Variants in OAS2 observed in about 807,000 individuals in gnomAD.
The protein encoded by OAS2 is 2'-5'-oligoadenylate synthase 2.
A neutral mutation model predicts 71.3 loss-of-function variants in OAS2; 67 were observed. The ratio of observed to expected loss-of-function variants is 0.94; its 90% CI spans 0.77 to 1.15. OAS2 has a LOEUF of 1.15. Among genes scored for constraint, OAS2 ranks in the 50% most tolerant of loss-of-function variants. The pLI, the probability that OAS2 is intolerant of heterozygous loss-of-function variation, is 0.00. For missense variants in OAS2, 789 were observed against 822.5 expected, an observed-to-expected ratio of 0.96 and a Z score of 0.50; for synonymous variants, 327 against 321.8, an observed-to-expected ratio of 1.02 and a Z score of -0.17.
At chr12:112,986,146 T>C (rs1317910159) in intron 1 of OAS2, among the ~76,000 whole-genome samples, 1 of 152,144 alleles carries the variant, frequency 6.6e-6, no homozygotes, top group East Asian at 1.9e-4. Context: ...GACAGTGTAG[T>C]TGTTAATGGA....
Position 112,987,088 on chromosome 12 carries a change from C to G in OAS2, c.228C>G (p.Thr76=), listed in dbSNP as rs2072138. 0.28 allele frequency: 443,996 copies of G among 1,613,842 alleles called. 62,659 individuals are homozygous for G. Among genetic ancestry groups the G allele is most frequent in the Admixed American group, 0.33 (19,615 of 60,006 alleles). ...TCTTAAGAGGCAACTCCGATGGTAC[C>G]CTTGTCCTCTTCTTCAGTGACTTAA... ...KTVLRGNSDG[T]LVLFFSDLKQ... The change falls in exon 2 of 10, where the codon ACC becomes ACG. Residue 76 remains threonine (T), a synonymous_variant. Transcript: ENST00000392583.
rs1404126148 is a variant in OAS2, at chr12:113,009,825, C to A, written c.*570C>A. The stretch of plus-strand genomic sequence containing the variant: ...CTGTGGACGTGGGTTGCACTGGCCA[C>A]CCAAGGATGTCTGCCACACCTCTCC... On this transcript the variant is annotated 3_prime_UTR_variant, in exon 10 of 10. Coordinates refer to ENST00000392583, the MANE Select transcript of OAS2 (RefSeq NM_002535.3). 2.0e-6 allele frequency: 2 copies of A among 986,644 alleles called. No homozygotes were observed. The highest frequency in any genetic ancestry group is 2.4e-6 in the Non-Finnish European group (2 of 830,908). 61.1% of individuals were successfully genotyped at this position (986,644 alleles called of 1,614,324 possible).
In OAS2 at chr12:113,003,086, A is replaced by C; in HGVS notation, c.1163A>C (p.Lys388Thr). The C allele has an allele frequency of 1.2e-6, 2 of 1,614,150 alleles. No individual in the cohort carries two copies. Among genetic ancestry groups the C allele is most frequent in the South Asian group, 1.1e-5 (1 of 91,076 alleles). Residue 388 changes from lysine to threonine, a missense_variant, in exon 6 of 10, where the codon AAG becomes ACG. By Grantham distance (78) the Lys-to-Thr change is moderately conservative (BLOSUM62 -1). Transcript: ENST00000392583. ...AACTGCTTCCGACAATCAACAGCCA[A>C]GATCCAGATTGTCCGGGTGAGCACT... ...KENCFRQSTA[K>T]IQIVRGGSTA...
chr12:112,989,998 A>G (rs1359296236), intron 2 of OAS2, among the ~76,000 whole-genome samples: 1 of 152,144 alleles, frequency 6.6e-6, no homozygotes, highest in African/African-American at 2.4e-5. Flanking sequence ...ACCACCAGGG[A>G]TGGGGCAATG....
At chr12:113,003,139 T>C (rs1369355518) in intron 6 of OAS2, 37 bp downstream of exon 6, 2 of 1,603,468 alleles carry the variant, frequency 1.2e-6, no homozygotes, top group South Asian at 1.1e-5. Context: ...GTTGGAATGA[T>C]GTAATATTGG....
At chr12:113,005,841 T>C (rs2044327391) in intron 7 of OAS2, among the ~76,000 whole-genome samples, 1 of 140,184 alleles carries the variant, frequency 7.1e-6, no homozygotes, top group Non-Finnish European at 1.5e-5. Flanking sequence ...CAGTGAGCTG[T>C]GATCATGCCA....
intron 1 of OAS2, among the ~76,000 whole-genome samples, chr12:112,982,515 TG>T (rs1303899465): frequency 6.6e-6 from 1 of 152,248 alleles, no homozygotes; most frequent in Non-Finnish European, 1.5e-5. Flanking sequence ...CTTGCATCCC[TG>T]GGATAAATCC....
chr12:113,006,306 T>C (rs1386116721), intron 7 of OAS2, 107 bp from the exon 8 acceptor site: 10 of 927,066 alleles, frequency 1.1e-5, no homozygotes, highest in East Asian at 2.7e-5. Context: ...ATGCTAATAC[T>C]ATTCACAGTA....
At chr12:113,008,526 A>G (rs552040261) in intron 9 of OAS2, among the ~76,000 whole-genome samples, 2 of 152,350 alleles carry the variant, frequency 1.3e-5, no homozygotes, top group East Asian at 3.9e-4. Flanking sequence ...GGAGATATTT[A>G]GACTATGCCT....
Position 112,998,410 on chromosome 12 carries a change from G to A in OAS2, c.1008G>A (p.Leu336=). The change falls in exon 5 of 10, where the codon CTG becomes CTA. Residue 336 remains leucine, a splice_region_variant and synonymous_variant. Coordinates refer to ENST00000392583, the MANE Select transcript of OAS2 (RefSeq NM_002535.3). ...NELPAPSWNV[L]PAPLFTTPGH... ...TACCTGCACCATCTTGGAATGTTCT[G>A]GTAAGAGGGTTTTCCAAATACAGGG... 1 of 1,606,826 alleles carries A rather than the reference G, an allele frequency of 6.2e-7. No homozygotes were observed.
rs909746233 is a variant in OAS2, at chr12:113,008,392, C to G, written c.1895+449C>G. Among the ~76,000 whole-genome samples the G allele has an allele frequency of 2.6e-5, 4 of 151,974 alleles. 1 individual carries two copies. In the South Asian group the frequency reaches 8.3e-4, roughly 32 times the overall value. ...AAAGGAAAGAGAGAAAATAAAGGAG[C>G]GTTGAAAAAGAATAGAGGAGAAGTA... On this transcript the variant is annotated intron_variant, in intron 9 of 9. Coordinates refer to ENST00000392583, the MANE Select transcript of OAS2 (RefSeq NM_002535.3).
chr12:112,999,103 G>A (rs1344056722), intron 5 of OAS2, among the ~76,000 whole-genome samples: 1 of 152,226 alleles, frequency 6.6e-6, no homozygotes, highest in Non-Finnish European at 1.5e-5. Flanking sequence ...CTCAGAGAAG[G>A]GGGTGGCAGT....
intron 2 of OAS2, among the ~76,000 whole-genome samples, chr12:112,993,167 C>A (rs895441024): frequency 6.6e-6 from 1 of 152,126 alleles, no homozygotes; most frequent in Non-Finnish European, 1.5e-5. Context: ...TAAATATTAG[C>A]CTAACTAATC....
At chr12:112,981,225 G>A (rs1460067980) in intron 1 of OAS2, among the ~76,000 whole-genome samples, 2 of 151,964 alleles carry the variant, frequency 1.3e-5, no homozygotes, top group African/African-American at 4.8e-5. Context: ...ATTTAATATA[G>A]TCCCAATTGT....
chr12:112,986,487 T>G (rs2044136571), intron 1 of OAS2, among the ~76,000 whole-genome samples: 1 of 152,076 alleles, frequency 6.6e-6, no homozygotes, highest in African/African-American at 2.4e-5. Flanking sequence ...CCCAGGCCCT[T>G]GGGAGACACA....
At position 113,007,877 on chromosome 12, in the gene OAS2, A is replaced by G; in HGVS notation, c.1829A>G (p.Lys610Arg). 1.2e-6 allele frequency: 2 copies of G among 1,614,188 alleles called. No homozygotes were observed. Among genetic ancestry groups the G allele is most frequent in the South Asian group, 1.1e-5 (1 of 91,086 alleles). Residue 610 changes from lysine (K) to arginine (R), a missense_variant, in exon 9 of 10, where the codon AAG becomes AGG. By Grantham distance (26) the Lys-to-Arg change is conservative (BLOSUM62 2). Coordinates refer to ENST00000392583, the MANE Select transcript of OAS2 (RefSeq NM_002535.3). Reference sequence around the variant, plus strand: ...TATCAGCAGCTCTGCATCTTCTGGAAGGTCAATTACAACTTTGAAGATGAG... The same window carrying G: ...TATCAGCAGCTCTGCATCTTCTGGAGGGTCAATTACAACTTTGAAGATGAG... The part of the protein sequence containing the change: ...TQYQQLCIFW[K>R]VNYNFEDETV...
intron 8 of OAS2, among the ~76,000 whole-genome samples, chr12:113,007,312 TG>T (rs2044343244): frequency 6.6e-6 from 1 of 152,170 alleles, no homozygotes; most frequent in African/African-American, 2.4e-5. Flanking sequence ...TCAGAAGACT[TG>T]GGGCTGTGGC....
At chr12:113,002,409 G>A (rs1396188209) in intron 5 of OAS2, among the ~76,000 whole-genome samples, 1 of 152,192 alleles carries the variant, frequency 6.6e-6, no homozygotes, top group Non-Finnish European at 1.5e-5. Context: ...GTTGTTTTAA[G>A]CCACCTAGTT....
chr12:112,984,761 G>C (rs2044116959), intron 1 of OAS2, among the ~76,000 whole-genome samples: 1 of 151,986 alleles, frequency 6.6e-6, no homozygotes, highest in South Asian at 2.1e-4. Flanking sequence ...TTATACTTTT[G>C]TGTGTTTTCA....
Sources: gnomAD v4.1 joint callset for allele counts (sites outside exome capture counted in the v4.1 genomes callset) on GRCh38, gnomAD v4.1.1 for gene constraint, MANE v1.5 for transcripts, NCBI Gene and HGNC (gene_info 2026-07-23, HGNC 2026-07-21) for gene names.